CEP131: variants seen among roughly 807,000 people sequenced by gnomAD.
CEP131 encodes the protein centrosomal protein 131, also known as centrosomal protein of 131 kDa.
CEP131 carries 99 observed loss-of-function variants against 136.8 expected under a neutral mutation model. The ratio of observed to expected loss-of-function variants is 0.72; its 90% confidence interval spans 0.62 to 0.86. The LOEUF (loss-of-function observed/expected upper bound fraction) is 0.86. Among genes scored for constraint, CEP131 ranks in the 40% least tolerant of loss-of-function variants. The pLI, the probability that CEP131 is intolerant of heterozygous loss-of-function variation, is 0.00. For synonymous variants in CEP131, 646 were observed against 612.7 expected (o/e 1.05, Z -0.80); for missense variants, 1,459 against 1,463.0 (o/e 1.00, Z 0.04).
intron 5 of CEP131, among the ~76,000 whole-genome samples, 178 bp downstream of exon 5, chr17:81,206,566 C>T (rs1249891325): frequency 1.3e-5 from 2 of 152,220 alleles, no homozygotes; most frequent in African/African-American, 4.8e-5. Flanking sequence ...ATGTGCAAGA[C>T]GCCACCTGGC....
At position 81,218,611 on chromosome 17, in the gene CEP131, A is replaced by G. The variant is rs998400368; in HGVS notation, c.177+1269T>C. 1.3e-5 allele frequency among the ~76,000 whole-genome samples: 2 copies of G among 152,234 alleles called. 1 individual carries two copies. Among genetic ancestry groups the G allele is most frequent in the Non-Finnish European group, 2.9e-5 (2 of 68,040 alleles). ...ATCTTTAGACAACCTGCCGGCCACA[A>G]TGACACATCAGGACATCCCGGGTCC... On this transcript the variant is annotated intron_variant, in intron 2 of 25. Transcript: ENST00000450824.
At position 81,206,771 on chromosome 17, in the gene CEP131, A is replaced by G. The variant is rs767216681; in HGVS notation, c.488T>C (p.Leu163Pro). 1 of 1,614,042 alleles carries G rather than the reference A, an allele frequency of 6.2e-7. No homozygotes were observed. The highest frequency in any genetic ancestry group is 8.5e-7 in the Non-Finnish European group (1 of 1,179,948). ...GTTGTTAGCAGTGAAGTTGGGGGCCAGGGCCACGGTGCATTCTTTCCTCCG... is the reference window on the plus strand; with the variant it reads ...GTTGTTAGCAGTGAAGTTGGGGGCCGGGGCCACGGTGCATTCTTTCCTCCG... ...GPRRKECTVA[L>P]APNFTANNRS... is the part of the protein sequence containing the mutation. The change falls in exon 5 of 26, where the codon CTG (leucine) becomes CCG (proline). Residue 163 changes from leucine (L) to proline (P), a missense_variant. Coordinates refer to ENST00000450824, the MANE Select transcript of CEP131 (RefSeq NM_014984.4).
At chr17:81,207,359 G>C (rs867811560) in intron 3 of CEP131, 120 bp from the exon 4 acceptor site, 25 of 834,578 alleles carry the variant, frequency 3.0e-5, no homozygotes, top group Non-Finnish European at 4.1e-5. Flanking sequence ...CAGCAACTCT[G>C]TTTCTAGGCC....
In CEP131 at chr17:81,207,145, C is replaced by A; in HGVS notation, c.367G>T (p.Gly123Ter). ...CTTACCAGGACGTTCCAGGTGGCTC[C>A]CTTCTCGCTGGGGGCTGTGCTCAGG... ...ASLSTAPSEK[G>*]ATWNVLDDQP... The change falls in exon 4 of 26, where the codon GGA (glycine) becomes TGA (stop). Residue 123 changes from glycine to a stop codon, truncating the protein, a stop_gained. Coordinates refer to ENST00000450824, the MANE Select transcript of CEP131 (RefSeq NM_014984.4). LOFTEE classifies it high-confidence loss of function. 6.2e-7 allele frequency: 1 copy of A among 1,613,108 alleles called. No homozygotes were observed. The highest frequency in any genetic ancestry group is 8.5e-7 in the Non-Finnish European group (1 of 1,179,790).
intron 19 of CEP131, 70 bp from the exon 20 acceptor site, chr17:81,192,663 G>T: frequency 7.1e-7 from 1 of 1,399,232 alleles, no homozygotes; most frequent in Non-Finnish European, 9.8e-7. Context: ...GAGGTCAGCG[G>T]GTGAGGGGGC....
chr17:81,198,440 G>C, intron 11 of CEP131, 143 bp from the exon 12 acceptor site: 1 of 876,956 alleles, frequency 1.1e-6, no homozygotes, highest in Non-Finnish European at 1.7e-6. Flanking sequence ...TGAGGCCAGG[G>C]CTCAGACCTT....
At chr17:81,199,948 G>A in intron 8 of CEP131, 113 bp from the exon 9 acceptor site, 1 of 1,045,896 alleles carries the variant, frequency 9.6e-7, no homozygotes, top group East Asian at 2.4e-5. Context: ...TGGAATCTCA[G>A]GGCCAGCAGG....
chr17:81,205,336 GGGGTAGGAGGGGCGGCAAGAGTGT>G (rs562481624), intron 5 of CEP131, among the ~76,000 whole-genome samples: 2 of 144,770 alleles, frequency 1.4e-5, no homozygotes, highest in African/African-American at 2.7e-5. Context: ...GCAGGCGCCA[GGGGTAGGAGGGGCGGCAAGAGTGT>G]GGGTAGGAGG....
Position 81,192,494 on chromosome 17 carries a change from C to T in CEP131, c.2529G>A (p.Glu843=), listed in dbSNP as rs759366148. 2 of 1,611,644 alleles carry T rather than the reference C, an allele frequency of 1.2e-6. No homozygotes were observed. Among genetic ancestry groups the T allele is most frequent in the African/African-American group, 1.3e-5 (1 of 74,902 alleles). ...LRAEFEKGRE[E]QERRHQMELN... ...GGTAGACCTGGTGCCGGCGCTCCTGCTCCTCCCTGCCCTTCTCAAACTCAG... is the reference window on the plus strand; with the variant it reads ...GGTAGACCTGGTGCCGGCGCTCCTGTTCCTCCCTGCCCTTCTCAAACTCAG... Residue 843 remains glutamate (E), a synonymous_variant, in exon 20 of 26, where the codon GAG becomes GAA. Transcript: ENST00000450824.
Position 81,202,378 on chromosome 17 carries a change from G to C in CEP131, c.650C>G (p.Thr217Ser), listed in dbSNP as rs1369406839. The C allele has an allele frequency of 1.2e-6, 2 of 1,613,282 alleles. No homozygotes were observed. Among genetic ancestry groups the C allele is most frequent in the South Asian group, 1.1e-5 (1 of 91,054 alleles). ...PSLNNIIKAA[T>S]CEGSESSGFG... ...GCCGCTGCTCTCACTGCCCTCACAG[G>C]TGGCTGCCTTGATGATGTTGCTGAC... Residue 217 changes from threonine to serine, a missense_variant, in exon 7 of 26, where the codon ACC becomes AGC. Transcript: ENST00000450824.
chr17:81,198,056 G>C, intron 12 of CEP131, 59 bp downstream of exon 12: 1 of 1,501,328 alleles, frequency 6.7e-7, no homozygotes, highest in Non-Finnish European at 8.9e-7. Flanking sequence ...GCCACCGCAT[G>C]CTCTGTGTGA....
intron 4 of CEP131, 55 bp downstream of exon 4, chr17:81,207,070 C>G (rs542266622): frequency 6.4e-7 from 1 of 1,567,664 alleles, no homozygotes; most frequent in Admixed American, 1.9e-5. Context: ...AATTAGGAAC[C>G]AGGCCACAAT....
intron 2 of CEP131, among the ~76,000 whole-genome samples, chr17:81,218,437 GGGTCAGTGAC>G (rs1248845063): frequency 6.6e-6 from 1 of 152,264 alleles, no homozygotes; most frequent in African/African-American, 2.4e-5. Context: ...GTGGGCGAGG[GGGTCAGTGAC>G]GCAGGAGCAG....
At position 81,196,947 on chromosome 17, in the gene CEP131, G is replaced by A. The variant is rs746099783; in HGVS notation, c.1756C>T (p.Leu586=). 6 of 1,609,632 alleles carry A rather than the reference G, an allele frequency of 3.7e-6. No homozygotes were observed. The highest frequency in any genetic ancestry group is 1.1e-5 in the South Asian group (1 of 90,178). ...AGCGTTACCAGCGCTCTCTGCAGCA[G>A]CAGCATGGCCTGCTTCTTCTCCTCC... ...EVEEKKQAML[L]LQRALAQQRD... is the part of the protein sequence containing the mutation. The change falls in exon 14 of 26, where the codon CTG becomes TTG. Residue 586 remains leucine, a synonymous_variant. Coordinates refer to ENST00000450824, the MANE Select transcript of CEP131 (RefSeq NM_014984.4).
intron 18 of CEP131, among the ~76,000 whole-genome samples, chr17:81,193,617 CTG>C (rs1474832580): frequency 1.3e-5 from 2 of 152,192 alleles, no homozygotes; most frequent in African/African-American, 4.8e-5. Flanking sequence ...GGTTGCTGCT[CTG>C]GGGCCAGTTG....
chr17:81,189,768 G>C lies in CEP131; in HGVS notation c.*1C>G. The C allele has an allele frequency of 4.4e-6, 7 of 1,597,296 alleles. No individual in the cohort carries two copies. Among genetic ancestry groups the C allele is most frequent in the Non-Finnish European group, 6.0e-6 (7 of 1,169,876 alleles). Reference sequence around the variant, plus strand: ...TTCGACAGTGTTCCCGGCATCCCTGGTCACTTGGTACTTGGCGTGGGCCTC... The same window carrying C: ...TTCGACAGTGTTCCCGGCATCCCTGCTCACTTGGTACTTGGCGTGGGCCTC... On this transcript the variant is annotated 3_prime_UTR_variant, in exon 26 of 26. Coordinates refer to ENST00000450824, the MANE Select transcript of CEP131 (RefSeq NM_014984.4).
At chr17:81,212,770 T>TGG (rs770796031) in intron 2 of CEP131, among the ~76,000 whole-genome samples, 6 of 150,708 alleles carry the variant, frequency 4.0e-5, no homozygotes, top group Non-Finnish European at 8.9e-5. Flanking sequence ...TCAGCAAGCG[T>TGG]CGGGGGGGCG....
In CEP131 at chr17:81,194,078, C is replaced by A; in HGVS notation, c.2169G>T (p.Val723=). 1.9e-6 allele frequency: 3 copies of A among 1,580,160 alleles called. No homozygotes were observed. The highest frequency in any genetic ancestry group is 2.6e-6 in the Non-Finnish European group (3 of 1,163,962). Reference sequence around the variant, plus strand: ...CCTCGTGCAGGCTCTTGAGCCTCCGCACTTCCTGCTTGTGCCTTGCAATCA... The same window carrying A: ...CCTCGTGCAGGCTCTTGAGCCTCCGAACTTCCTGCTTGTGCCTTGCAATCA... ...QKLIARHKQE[V]RRLKSLHEAE... Residue 723 remains valine, a synonymous_variant, in exon 18 of 26, where the codon GTG becomes GTT. Transcript: ENST00000450824.
chr17:81,195,318 CCA>C (rs1438049705), intron 16 of CEP131, among the ~76,000 whole-genome samples: 1 of 152,224 alleles, frequency 6.6e-6, no homozygotes, highest in Non-Finnish European at 1.5e-5. Context: ...CGGCTGTCAG[CCA>C]CAGTCACGTG....
Sources: allele counts gnomAD v4.1 joint callset (sites outside exome capture counted in the v4.1 genomes callset), GRCh38; gene constraint gnomAD v4.1.1; transcripts MANE v1.5; gene names NCBI Gene and HGNC (gene_info 2026-07-23, HGNC 2026-07-21).